Variants in PAPPA2 observed in about 807,000 individuals in gnomAD.
PAPPA2 encodes pappalysin-2.
PAPPA2 carries 86 observed loss-of-function variants against 176.4 expected under a neutral mutation model. That is an observed-to-expected ratio of 0.49 (90% CI 0.41 to 0.58). The LOEUF (loss-of-function observed/expected upper bound fraction) is 0.58, where lower values mean the gene tolerates loss of function less well. Ranked by LOEUF, PAPPA2 falls within the 20% of genes least tolerant of loss-of-function variation. The pLI, the probability that PAPPA2 is intolerant of heterozygous loss-of-function variation, is 0.00. For missense variants in PAPPA2, 2,073 were observed against 2,256.9 expected (o/e 0.92, Z 1.65); for synonymous variants, 809 against 852.2 (o/e 0.95, Z 0.88).
rs201149060 is a variant in PAPPA2 at position 176,765,825 on chromosome 1, C to G, written c.4311C>G (p.Ile1437Met). The G allele has an allele frequency of 1.1e-4, 181 of 1,613,690 alleles. 1 individual carries two copies. The highest frequency in any genetic ancestry group is 1.7e-6 in the Non-Finnish European group (2 of 1,179,886). Residue 1437 changes from isoleucine (I) to methionine (M), a missense_variant, in exon 15 of 23, where the codon ATC (isoleucine) becomes ATG (methionine). Ile to Met is a conservative substitution (Grantham distance 10). Coordinates refer to ENST00000367662, the MANE Select transcript of PAPPA2 (RefSeq NM_020318.3). Reference sequence around the variant, plus strand: ...TTCAGGCCAGCAGTGGGCAGTACATCAGGCCCATGCAGGTGAGTTGAAAGA... The same window carrying G: ...TTCAGGCCAGCAGTGGGCAGTACATGAGGCCCATGCAGGTGAGTTGAAAGA... ...FALQASSGQY[I>M]RPMQKEILLT...
At chr1:176,731,799 A>G (rs572883240) in intron 12 of PAPPA2, among the ~76,000 whole-genome samples, 1 of 152,208 alleles carries the variant, frequency 6.6e-6, no homozygotes, top group African/African-American at 2.4e-5. Context: ...AGTTTATTGT[A>G]CATTCTTACA....
intron 3 of PAPPA2, among the ~76,000 whole-genome samples, chr1:176,643,099 T>C (rs1437130882): frequency 4.6e-5 from 7 of 151,912 alleles, no homozygotes; most frequent in African/African-American, 1.7e-4. Context: ...ATCTTATAAG[T>C]AGGCATATGC....
At chr1:176,793,515 G>A (rs1665277338) in intron 19 of PAPPA2, 45 bp from the exon 20 acceptor site, 3 of 1,479,016 alleles carry the variant, frequency 2.0e-6, no homozygotes, top group East Asian at 4.6e-5. Flanking sequence ...AAAAGAATGA[G>A]ATCTGGGAAG....
chr1:176,671,387 A>G (rs1445180696), intron 4 of PAPPA2, among the ~76,000 whole-genome samples: 3 of 152,216 alleles, frequency 2.0e-5, no homozygotes, highest in African/African-American at 7.2e-5. Context: ...GGCATAGAAT[A>G]AGATCATTTT....
chr1:176,481,267 C>T (rs1254435117), intron 1 of PAPPA2, among the ~76,000 whole-genome samples: 1 of 65,034 alleles, frequency 1.5e-5, no homozygotes, highest in East Asian at 2.2e-4. Context: ...CACACACACA[C>T]ACACACACAC....
rs1224185184 is a variant in PAPPA2 at position 176,843,667 on chromosome 1, T to C, written c.*1213T>C. 2 of 151,936 alleles carry C rather than the reference T, an allele frequency of 1.3e-5. No homozygotes were observed. The highest frequency in any genetic ancestry group is 1.3e-4 in the Admixed American group (2 of 15,246). 9.4% of individuals were successfully genotyped at this position (151,936 alleles called of 1,614,324 possible). A position where few individuals can be genotyped will look rare whatever the true frequency, so the allele number is the denominator to read the frequency against. On this transcript the variant is annotated 3_prime_UTR_variant, in exon 23 of 23. Transcript: ENST00000367662. ...GAGGAAAAATTTTATGGAAATGATA[T>C]AGGGGAAAGGTGGGAGGAGATGAAA...
intron 17 of PAPPA2, among the ~76,000 whole-genome samples, chr1:176,784,350 A>G (rs10913252): frequency 0.23 from 34,731 of 151,940 alleles, 4,641 homozygotes; most frequent in African/African-American, 0.36. Flanking sequence ...TTCATTAACG[A>G]TTTTAAAGGT....
intron 21 of PAPPA2, among the ~76,000 whole-genome samples, chr1:176,822,129 G>A (rs1290838478): frequency 6.6e-6 from 1 of 152,112 alleles, no homozygotes; most frequent in African/African-American, 2.4e-5. Context: ...AGAGTGGGAG[G>A]TGCATAAAGC....
chr1:176,791,239 G>A, intron 18 of PAPPA2, 108 bp from the exon 19 acceptor site: 1 of 391,812 alleles, frequency 2.6e-6, no homozygotes. Flanking sequence ...GTGTCTTTTG[G>A]TCCAGGTTCT....
chr1:176,519,371 G>A (rs1649091369), intron 1 of PAPPA2, among the ~76,000 whole-genome samples: 1 of 152,136 alleles, frequency 6.6e-6, no homozygotes, highest in South Asian at 2.1e-4. Context: ...AGAATGAGTT[G>A]AATAGGTGAG....
intron 1 of PAPPA2, among the ~76,000 whole-genome samples, chr1:176,485,810 AG>A (rs904353322): frequency 3.3e-5 from 5 of 152,218 alleles, no homozygotes; most frequent in Non-Finnish European, 5.9e-5. Flanking sequence ...ACAAGAGGAA[AG>A]GCATACAGCT....
At chr1:176,812,838 T>C (rs1160185164) in intron 21 of PAPPA2, among the ~76,000 whole-genome samples, 1 of 152,094 alleles carries the variant, frequency 6.6e-6, no homozygotes, top group African/African-American at 2.4e-5. Flanking sequence ...GTTTGTTACA[T>C]AGGTGAACAT....
At chr1:176,502,298 A>G (rs975742984) in intron 1 of PAPPA2, among the ~76,000 whole-genome samples, 5 of 152,278 alleles carry the variant, frequency 3.3e-5, no homozygotes, top group African/African-American at 1.2e-4. Context: ...AGTGAAGTCT[A>G]TGTTTGTCAT....
At chr1:176,747,841 T>C (rs1662979616) in intron 14 of PAPPA2, among the ~76,000 whole-genome samples, 1 of 152,170 alleles carries the variant, frequency 6.6e-6, no homozygotes, top group African/African-American at 2.4e-5. Context: ...CAAGTTCACA[T>C]GGTTGTTGGT....
intron 1 of PAPPA2, among the ~76,000 whole-genome samples, chr1:176,484,100 C>T (rs1349432089): frequency 6.6e-6 from 1 of 152,218 alleles, no homozygotes; most frequent in Admixed American, 6.5e-5. Flanking sequence ...CACCTAGACA[C>T]TGGCATTGTC....
chr1:176,670,504 C>A (rs1331749493), intron 3 of PAPPA2, among the ~76,000 whole-genome samples: 1 of 151,772 alleles, frequency 6.6e-6, no homozygotes, highest in South Asian at 2.1e-4. Flanking sequence ...TTCCTTTTTT[C>A]TTTTAAAAAT....
chr1:176,698,473 CAT>C (rs1660486673), intron 7 of PAPPA2, among the ~76,000 whole-genome samples: 1 of 152,108 alleles, frequency 6.6e-6, no homozygotes, highest in Admixed American at 6.5e-5. Context: ...GATTTTTTAT[CAT>C]TACATTTTTA....
intron 21 of PAPPA2, among the ~76,000 whole-genome samples, chr1:176,810,079 G>A (rs961637897): frequency 4.6e-5 from 7 of 151,472 alleles, no homozygotes; most frequent in African/African-American, 1.7e-4. Context: ...AAATTCTAGA[G>A]CTCTTTGTTC....
At chr1:176,506,932 A>C (rs1428328913) in intron 1 of PAPPA2, among the ~76,000 whole-genome samples, 1 of 152,182 alleles carries the variant, frequency 6.6e-6, no homozygotes, top group African/African-American at 2.4e-5. Flanking sequence ...CCAAAAATTG[A>C]CAAGTGAGAC....
Sources: allele counts gnomAD v4.1 joint callset (sites outside exome capture counted in the v4.1 genomes callset), GRCh38; gene constraint gnomAD v4.1.1; transcripts MANE v1.5; gene names NCBI Gene and HGNC (gene_info 2026-07-23, HGNC 2026-07-21).